Variants in NEBL observed in about 807,000 individuals in gnomAD.
NEBL encodes LIM and SH3 protein 2.
NEBL carries 122 observed loss-of-function variants against 140.2 expected under a neutral mutation model. The ratio of observed to expected loss-of-function variants is 0.87; its 90% CI spans 0.75 to 1.01. The LOEUF (loss-of-function observed/expected upper bound fraction) is 1.01. Ranked by LOEUF, NEBL falls within the 50% of genes least tolerant of loss-of-function variation. NEBL has a pLI of 0.00. For synonymous variants in NEBL, 436 were observed against 398.9 expected (o/e 1.09, Z -1.11); for missense variants, 1,365 against 1,231.3 (o/e 1.11, Z -1.62).
intron 3 of NEBL, among the ~76,000 whole-genome samples, chr10:20,999,341 A>C (rs1297700362): frequency 2.0e-5 from 3 of 152,218 alleles, no homozygotes; most frequent in African/African-American, 7.2e-5. Flanking sequence ...TCACGCCTGT[A>C]ATCTCAGCAC....
rs1227282519 is a variant in NEBL at position 21,288,818 on chromosome 10, GTGTATATA to G, written n.182+4004_182+4011del. Reference sequence around the variant, plus strand: ...CATCTGACAATATATACGTGTGTGTGTGTATATATATATATATATATATATATATATAA... The same window carrying G: ...CATCTGACAATATATACGTGTGTGTGTATATATATATATATATATATATAA... On this transcript the variant is annotated intron_variant and non_coding_transcript_variant, in intron 1 of 8. Coordinates refer to the NEBL transcript ENST00000675702. Among the ~76,000 whole-genome samples the G allele has an allele frequency of 7.2e-3, 235 of 32,664 alleles. 12 individuals carry two copies. Among genetic ancestry groups the G allele is most frequent in the South Asian group, 0.023 (15 of 650 alleles). The allele number at this position is 32,664 out of a possible 152,430, so 21.4% of individuals were successfully genotyped here. A position where few individuals can be genotyped will look rare whatever the true frequency, so the allele number is the denominator to read the frequency against.
intron 3 of NEBL, among the ~76,000 whole-genome samples, chr10:21,244,059 G>C (rs1266888749): frequency 6.6e-6 from 1 of 152,062 alleles, no homozygotes; most frequent in African/African-American, 2.4e-5. Context: ...TTTTAAATAA[G>C]TTTTTTTAAA....
intron 4 of NEBL, among the ~76,000 whole-genome samples, chr10:20,924,972 C>A (rs537397734): frequency 8.6e-5 from 13 of 151,800 alleles, no homozygotes; most frequent in Non-Finnish European, 1.6e-4. Flanking sequence ...CCCCCAACCC[C>A]CTGCTCTATA....
At chr10:20,814,315 C>T (rs546354610) in intron 22 of NEBL, among the ~76,000 whole-genome samples, 1 of 151,956 alleles carries the variant, frequency 6.6e-6, no homozygotes, top group Non-Finnish European at 1.5e-5. Flanking sequence ...TGTAAACCTG[C>T]GCAAGCCCGA....
At chr10:21,223,162 T>C (rs550045752) in intron 3 of NEBL, among the ~76,000 whole-genome samples, 23 of 152,356 alleles carry the variant, frequency 1.5e-4, no homozygotes, top group African/African-American at 5.5e-4. Context: ...CAACTATATT[T>C]TTGCACTCAT....
chr10:20,836,854 C>T (rs1226155888), intron 13 of NEBL, among the ~76,000 whole-genome samples: 1 of 151,788 alleles, frequency 6.6e-6, no homozygotes, highest in Admixed American at 6.6e-5. Context: ...GACAAGGACC[C>T]TGTCTTTAGC....
intron 2 of NEBL, chr10:21,146,524 T>C (rs1203049807): frequency 1.3e-6 from 2 of 1,599,170 alleles, no homozygotes; most frequent in Non-Finnish European, 1.7e-6. Flanking sequence ...TCCTGCATTA[T>C]CAGAAAATGG....
In NEBL at chr10:20,931,173, T is replaced by C. The variant is rs189158289; in HGVS notation, c.357+30499A>G. Among the ~76,000 whole-genome samples, 42 of 152,262 alleles carry C rather than the reference T, an allele frequency of 2.8e-4. 1 individual carries two copies. Among genetic ancestry groups the C allele is most frequent in the African/African-American group, 6.0e-4 (25 of 41,556 alleles). ...TCAAAATAAACTAACCAAAATTTCA[T>C]TGGGAAGATGTTATCAAAGTATGAC... On this transcript the variant is annotated intron_variant, in intron 4 of 6. Transcript: ENST00000417816.
intron 2 of NEBL, chr10:21,029,189 G>C (rs908158625): frequency 7.2e-7 from 1 of 1,387,622 alleles, no homozygotes; most frequent in African/African-American, 1.4e-5. Context: ...AATGTGTATA[G>C]GGCGCCTCCA....
At position 21,240,427 on chromosome 10, in the gene NEBL, G is replaced by A. The variant is rs145830172; in HGVS notation, n.348+7494C>T. ...GGGTACCAAGGCAGGAGGATCACCT[G>A]AGGTCAAGAGTTCGAGACCAGCCTG... On this transcript the variant is annotated intron_variant and non_coding_transcript_variant, in intron 3 of 8. Transcript: ENST00000675702. Among the ~76,000 whole-genome samples, 814 of 152,220 alleles carry A rather than the reference G, an allele frequency of 5.3e-3. 6 individuals are homozygous for A. Among genetic ancestry groups the A allele is most frequent in the African/African-American group, 0.018 (765 of 41,536 alleles).
At chr10:21,037,776 C>G (rs568582636) in intron 2 of NEBL, among the ~76,000 whole-genome samples, 2 of 151,582 alleles carry the variant, frequency 1.3e-5, no homozygotes, top group Non-Finnish European at 2.9e-5. Flanking sequence ...AATGAACATT[C>G]AAGATAAATT....
In NEBL at chr10:20,947,735, G is replaced by T. The variant is rs564168458; in HGVS notation, c.357+13937C>A. Among the ~76,000 whole-genome samples, 241 of 151,342 alleles carry T rather than the reference G, an allele frequency of 1.6e-3. 2 individuals are homozygous for T. The highest frequency in any genetic ancestry group is 2.3e-3 in the Non-Finnish European group (159 of 67,918). On this transcript the variant is annotated intron_variant, in intron 4 of 6. Coordinates refer to the NEBL transcript ENST00000417816. ...CACACACAGTGTCAGGAGACAAAAG[G>T]GTAATAGTGTAGGAAGCAGATGGAA...
At chr10:21,002,697 G>A (rs981954457) in intron 3 of NEBL, among the ~76,000 whole-genome samples, 3 of 152,080 alleles carry the variant, frequency 2.0e-5, no homozygotes, top group Non-Finnish European at 2.9e-5. Context: ...GAAAGAGAGC[G>A]AGCGAAGGGG....
At chr10:20,985,188 GAAA>G (rs540257812) in intron 3 of NEBL, among the ~76,000 whole-genome samples, 3 of 152,226 alleles carry the variant, frequency 2.0e-5, no homozygotes, top group Admixed American at 1.3e-4. Flanking sequence ...CCCATCCATG[GAAA>G]AACTGTCTTC....
intron 3 of NEBL, among the ~76,000 whole-genome samples, chr10:20,978,804 A>T (rs1448601195): frequency 6.6e-6 from 1 of 152,084 alleles, no homozygotes; most frequent in Non-Finnish European, 1.5e-5. Context: ...TAATCAAAAC[A>T]ATTGCTGCTA....
intron 26 of NEBL, among the ~76,000 whole-genome samples, chr10:20,802,524 G>A (rs1837216054): frequency 6.6e-6 from 1 of 152,110 alleles, no homozygotes; most frequent in Admixed American, 6.5e-5. Flanking sequence ...GACAAGTAAA[G>A]AAAGTCCAAA....
chr10:21,106,425 G>A (rs1837719733), intron 2 of NEBL, among the ~76,000 whole-genome samples: 1 of 152,106 alleles, frequency 6.6e-6, no homozygotes, highest in Non-Finnish European at 1.5e-5. Context: ...TTTCCCAGCA[G>A]CATTTATTAA....
In NEBL at chr10:21,272,118, A is replaced by ATT. The variant is rs10678454; in HGVS notation, n.183-20292_183-20291dup. Among the ~76,000 whole-genome samples, 102 of 79,092 alleles carry ATT rather than the reference A, an allele frequency of 1.3e-3. 4 individuals carry two copies. Among genetic ancestry groups the ATT allele is most frequent in the Middle Eastern group, 0.011 (1 of 92 alleles). The allele number at this position is 79,092 out of a possible 152,430, so 51.9% of individuals were successfully genotyped here. Reference sequence around the variant, plus strand: ...AGGCACCCGCCACCACACTTGGTTAATTTTTTTTTTTTTTTTTTTTTTTTT... The same window carrying ATT: ...AGGCACCCGCCACCACACTTGGTTAATTTTTTTTTTTTTTTTTTTTTTTTTTT... On this transcript the variant is annotated intron_variant and non_coding_transcript_variant, in intron 1 of 8. Coordinates refer to the NEBL transcript ENST00000675702.
At chr10:21,085,490 C>T (rs966460671) in intron 2 of NEBL, among the ~76,000 whole-genome samples, 1 of 152,028 alleles carries the variant, frequency 6.6e-6, no homozygotes, top group African/African-American at 2.4e-5. Context: ...ACTTAATTAG[C>T]CAAGCATAGT....
Sources: allele counts gnomAD v4.1 joint callset (sites outside exome capture counted in the v4.1 genomes callset), GRCh38; gene constraint gnomAD v4.1.1; transcripts MANE v1.5; gene names NCBI Gene and HGNC (gene_info 2026-07-23, HGNC 2026-07-21).